FCHSD2: variants seen among roughly 807,000 people sequenced by gnomAD.
FCHSD2 encodes the protein FCH and double SH3 domains 2.
A neutral mutation model predicts 108.1 loss-of-function variants in FCHSD2; 38 were observed. The observed-to-expected ratio is 0.35, with a 90% CI of 0.27 to 0.46. The LOEUF is 0.46. Ranked by LOEUF, FCHSD2 falls within the 20% of genes least tolerant of loss-of-function variation. FCHSD2 has a pLI of 1.00. For missense variants in FCHSD2, 751 were observed against 897.8 expected (o/e 0.84, Z 2.09); for synonymous variants, 279 against 314.7 (o/e 0.89, Z 1.20).
chr11:73,016,563 A>T (rs1015181951), intron 3 of FCHSD2, among the ~76,000 whole-genome samples: 3 of 152,222 alleles, frequency 2.0e-5, no homozygotes, highest in African/African-American at 4.8e-5. Context: ...CCATCTCCAT[A>T]GAACTCTGAT....
At chr11:73,137,370 T>C (rs376508779) in intron 2 of FCHSD2, among the ~76,000 whole-genome samples, 8 of 152,280 alleles carry the variant, frequency 5.3e-5, no homozygotes, top group African/African-American at 1.9e-4. Flanking sequence ...ACAATCTCTG[T>C]CTTTACATAT....
At position 73,025,687 on chromosome 11, in the gene FCHSD2, A is replaced by T. The variant is rs539938822; in HGVS notation, c.166-9802T>A. 8.5e-5 allele frequency among the ~76,000 whole-genome samples: 13 copies of T among 152,294 alleles called. No individual in the cohort carries two copies. The East Asian group carries it at 1.5e-3, about 18-fold the overall frequency. On this transcript the variant is annotated intron_variant, in intron 3 of 19. Coordinates refer to ENST00000409418, the MANE Select transcript of FCHSD2 (RefSeq NM_014824.3). ...TAAATAGAATTTTAAAAATTTTTTAAATCTCCTTGGAATTAGTTTGTAGAA... is the reference window on the plus strand; with the variant it reads ...TAAATAGAATTTTAAAAATTTTTTATATCTCCTTGGAATTAGTTTGTAGAA...
At chr11:72,944,761 CA>C (rs1856486518) in intron 8 of FCHSD2, among the ~76,000 whole-genome samples, 1 of 152,104 alleles carries the variant, frequency 6.6e-6, no homozygotes, top group Non-Finnish European at 1.5e-5. Flanking sequence ...CAATAACAGA[CA>C]AACAGAGAGC....
chr11:72,983,704 G>T, intron 8 of FCHSD2: 1 of 345,582 alleles, frequency 2.9e-6, no homozygotes, highest in African/African-American at 2.2e-5. Flanking sequence ...TGAAGATTCT[G>T]CCTAGCTTCA....
intron 2 of FCHSD2, among the ~76,000 whole-genome samples, chr11:73,119,093 G>A (rs937964851): frequency 1.3e-4 from 20 of 152,184 alleles, no homozygotes; most frequent in South Asian, 4.1e-4. Flanking sequence ...CTCAAGCTTG[G>A]GAGTTCGGGG....
At chr11:72,998,342 C>A (rs1479968682) in intron 5 of FCHSD2, among the ~76,000 whole-genome samples, 3 of 152,010 alleles carry the variant, frequency 2.0e-5, no homozygotes, top group Admixed American at 1.3e-4. Context: ...GAGTTCAGGA[C>A]CAGCCTGGCC....
At chr11:73,081,364 G>A (rs1194419981) in intron 3 of FCHSD2, among the ~76,000 whole-genome samples, 2 of 152,076 alleles carry the variant, frequency 1.3e-5, no homozygotes, top group East Asian at 3.9e-4. Context: ...AACTTGGGAG[G>A]TGGAGGGTGC....
intron 8 of FCHSD2, among the ~76,000 whole-genome samples, chr11:72,946,094 T>A (rs1004654647): frequency 6.6e-6 from 1 of 152,074 alleles, no homozygotes; most frequent in Non-Finnish European, 1.5e-5. Context: ...GACACATGCA[T>A]ACATATGTTT....
chr11:72,956,336 T>C (rs573722787), intron 8 of FCHSD2, among the ~76,000 whole-genome samples: 38 of 152,084 alleles, frequency 2.5e-4, no homozygotes, highest in African/African-American at 7.7e-4. Context: ...ATAAAGGTGG[T>C]TGATTCAGGA....
At chr11:72,963,741 T>C (rs1205226464) in intron 8 of FCHSD2, among the ~76,000 whole-genome samples, 1 of 152,190 alleles carries the variant, frequency 6.6e-6, no homozygotes, top group Non-Finnish European at 1.5e-5. Context: ...AATAGGGTTC[T>C]TACACCTATG....
intron 5 of FCHSD2, among the ~76,000 whole-genome samples, chr11:72,992,079 C>T (rs1857426839): frequency 6.6e-6 from 1 of 152,176 alleles, no homozygotes. Flanking sequence ...GATACAAAAT[C>T]AATGTGCAAA....
At chr11:72,995,144 GCAGGTGT>G (rs1857496555) in intron 5 of FCHSD2, among the ~76,000 whole-genome samples, 1 of 152,116 alleles carries the variant, frequency 6.6e-6, no homozygotes, top group African/African-American at 2.4e-5. Context: ...TCAAGTTGTA[GCAGGTGT>G]CAGTACTTCA....
At chr11:72,946,375 A>G (rs542990882) in intron 8 of FCHSD2, among the ~76,000 whole-genome samples, 13 of 130,576 alleles carry the variant, frequency 1.0e-4, no homozygotes, top group Middle Eastern at 4.1e-3. Context: ...GAAGGGGAAC[A>G]TCACACACCA....
At chr11:72,881,408 G>GA (rs1855083894) in intron 12 of FCHSD2, among the ~76,000 whole-genome samples, 1 of 152,120 alleles carries the variant, frequency 6.6e-6, no homozygotes, top group Non-Finnish European at 1.5e-5. Context: ...TGAAGATGCA[G>GA]AAAAAAGGGA....
intron 3 of FCHSD2, among the ~76,000 whole-genome samples, chr11:73,068,493 T>C (rs1262044179): frequency 2.0e-5 from 3 of 152,172 alleles, no homozygotes; most frequent in East Asian, 3.9e-4. Context: ...CTTGCATATA[T>C]ACTCCTGAAG....
Position 73,051,909 on chromosome 11 carries a change from ACACACACCC to A in FCHSD2, c.165+31777_165+31785del, listed in dbSNP as rs1327026189. Among the ~76,000 whole-genome samples the A allele has an allele frequency of 1.6e-3, 202 of 129,100 alleles. 1 individual carries two copies. The highest frequency in any genetic ancestry group is 6.2e-3 in the African/African-American group (200 of 32,140). The allele number at this position is 129,100 out of a possible 152,430, so 84.7% of individuals were successfully genotyped here. A position where few individuals can be genotyped will look rare whatever the true frequency, so the allele number is the denominator to read the frequency against. On this transcript the variant is annotated intron_variant, in intron 3 of 19. Coordinates refer to ENST00000409418, the MANE Select transcript of FCHSD2 (RefSeq NM_014824.3). Reference sequence around the variant, plus strand: ...CACACACACACACACACACACACACACACACACCCCACACACACTGACATCAGGGAAAAA... The same window carrying A: ...CACACACACACACACACACACACACACACACACACTGACATCAGGGAAAAA...
chr11:72,871,855 G>A (rs1422832838), intron 12 of FCHSD2, among the ~76,000 whole-genome samples: 1 of 150,738 alleles, frequency 6.6e-6, no homozygotes, highest in East Asian at 1.9e-4. Context: ...GCCTGCAAAA[G>A]TGTTGGGATT....
At chr11:72,922,997 T>C (rs1480304765) in intron 8 of FCHSD2, among the ~76,000 whole-genome samples, 1 of 152,192 alleles carries the variant, frequency 6.6e-6, no homozygotes, top group Non-Finnish European at 1.5e-5. Flanking sequence ...TTTCTACCTC[T>C]ATGGATTTGC....
intron 3 of FCHSD2, among the ~76,000 whole-genome samples, chr11:73,023,792 G>A (rs1858163963): frequency 6.6e-6 from 1 of 152,152 alleles, no homozygotes; most frequent in African/African-American, 2.4e-5. Flanking sequence ...ACAAACTGTG[G>A]TACATAATTA....
Sources: gnomAD v4.1 joint callset for allele counts (sites outside exome capture counted in the v4.1 genomes callset) on GRCh38, gnomAD v4.1.1 for gene constraint, MANE v1.5 for transcripts, NCBI Gene and HGNC (gene_info 2026-07-23, HGNC 2026-07-21) for gene names.